TPMT: variants seen among roughly 807,000 people sequenced by gnomAD.
TPMT encodes thiopurine S-methyltransferase.
TPMT carries 18 observed loss-of-function variants against 34.2 expected under a neutral mutation model. The observed-to-expected ratio is 0.53, with a 90% CI of 0.36 to 0.78. TPMT has a LOEUF of 0.78. TPMT is among the 30% of genes least tolerant of loss of function. TPMT has a pLI of 0.00. For synonymous variants in TPMT, 69 were observed against 92.4 expected (o/e 0.75, Z 1.45); for missense variants, 265 against 288.1 (o/e 0.92, Z 0.58).
rs148586882 is a variant in TPMT at position 18,153,472 on chromosome 6, A to G, written c.-45+1561T>C. ...TATTGGTGGTTCTAATTTAATGATT[A>G]ATCTGTGAAATAGCAAACATTGCAT... On this transcript the variant is annotated intron_variant, in intron 1 of 8. Coordinates refer to ENST00000309983, the MANE Select transcript of TPMT (RefSeq NM_000367.5). This position sits in a 1 kb window ranked among gnomAD's most constrained non-coding sequence, Gnocchi z 4.2. Among the ~76,000 whole-genome samples the G allele has an allele frequency of 5.9e-5, 9 of 152,370 alleles. No individual in the cohort carries two copies. The East Asian group carries it at 1.7e-3, about 29-fold the overall frequency.
In TPMT at chr6:18,140,580, A is replaced by G. The variant is rs921435709; in HGVS notation, c.367-863T>C. Among the ~76,000 whole-genome samples, 1 of 152,094 alleles carries G rather than the reference A, an allele frequency of 6.6e-6. No homozygotes were observed. Among genetic ancestry groups the G allele is most frequent in the African/African-American group, 2.4e-5 (1 of 41,410 alleles). On this transcript the variant is annotated intron_variant, in intron 4 of 8. Transcript: ENST00000309983. This position sits in a 1 kb window ranked among gnomAD's most constrained non-coding sequence, Gnocchi z 4.7. ...ACACCTGTAGTTCCAGCTACCTGGG[A>G]GGCTGACATGCGAGGGTCACTTGAG...
At chr6:18,133,735 A>G (rs1783988793) in intron 7 of TPMT, 69 bp downstream of exon 7, 1 of 1,138,884 alleles carries the variant, frequency 8.8e-7, no homozygotes, top group Admixed American at 2.1e-5. Flanking sequence ...ATTCTTATCC[A>G]TGTCATAGAA....
chr6:18,133,741 T>C (rs770198740), intron 7 of TPMT, 63 bp downstream of exon 7: 2 of 1,219,016 alleles, frequency 1.6e-6, no homozygotes, highest in South Asian at 1.3e-5. Context: ...ATCCATGTCA[T>C]AGAATTTATA....
chr6:18,144,784 A>G (rs1348708473), intron 3 of TPMT, among the ~76,000 whole-genome samples: 1 of 151,514 alleles, frequency 6.6e-6, no homozygotes, highest in East Asian at 1.9e-4. Flanking sequence ...ACAGTGGCAC[A>G]ATCTCAGCTC....
rs1258447302 is a variant in TPMT, at chr6:18,138,224, G to T, written c.494+739C>A. On this transcript the variant is annotated intron_variant, in intron 6 of 8. Transcript: ENST00000309983. The surrounding 1 kb of genome is among the most constrained non-coding windows in gnomAD (Gnocchi z 4.1). ...ATGGAATAGTAGCTTATACCTTACAGAATTAAATGTTAAACCACATGAAAT... is the reference window on the plus strand; with the variant it reads ...ATGGAATAGTAGCTTATACCTTACATAATTAAATGTTAAACCACATGAAAT... Among the ~76,000 whole-genome samples, 1 of 151,206 alleles carries T rather than the reference G, an allele frequency of 6.6e-6. No homozygotes were observed. The highest frequency in any genetic ancestry group is 1.5e-5 in the Non-Finnish European group (1 of 67,900).
rs1784326188 is a variant in TPMT at position 18,150,229 on chromosome 6, T to C, written c.-44-1058A>G. On this transcript the variant is annotated intron_variant, in intron 1 of 8. Transcript: ENST00000309983. The surrounding 1 kb of genome is among the most constrained non-coding windows in gnomAD (Gnocchi z 5.3). ...TTTGCACATTTATTATAAAGGATAC[T>C]GCGAAGAATATACTTGAAGAGATGT... 6.6e-6 allele frequency among the ~76,000 whole-genome samples: 1 copy of C among 152,236 alleles called. No homozygotes were observed. Among genetic ancestry groups the C allele is most frequent in the African/African-American group, 2.4e-5 (1 of 41,462 alleles).
At position 18,151,451 on chromosome 6, in the gene TPMT, G is replaced by GATCA. The variant is rs534103257; in HGVS notation, c.-44-2284_-44-2281dup. ...CCACTGCACTCCAGCCTGGGCTACA[G>GATCA]ATCAAGACCTTGTCTTAAGAAAAAA... On this transcript the variant is annotated intron_variant, in intron 1 of 8. Transcript: ENST00000309983. 2.6e-3 allele frequency among the ~76,000 whole-genome samples: 393 copies of GATCA among 151,530 alleles called. 3 individuals carry two copies. The highest frequency in any genetic ancestry group is 8.8e-3 in the African/African-American group (366 of 41,434).
At position 18,138,858 on chromosome 6, in the gene TPMT, C is replaced by A; in HGVS notation, c.494+105G>T. ...TTTTTATAAATTCCAAACATAATAA[C>A]CTATTTCAAACTCATAGAAGTCTAA... On this transcript the variant is annotated intron_variant, in intron 6 of 8. Transcript: ENST00000309983. This position sits in a 1 kb window ranked among gnomAD's most constrained non-coding sequence, Gnocchi z 4.1. The A allele has an allele frequency of 6.5e-6, 6 of 924,012 alleles. 1 individual carries two copies. The South Asian group carries it at 8.7e-5, about 13-fold the overall frequency. The allele number at this position is 924,012 out of a possible 1,614,324, so 57.2% of individuals were successfully genotyped here. A position where few individuals can be genotyped will look rare whatever the true frequency, so the allele number is the denominator to read the frequency against.
chr6:18,140,719 AAAC>A lies in TPMT; in HGVS notation c.367-1005_367-1003del, dbSNP rs1487758724. 6.6e-6 allele frequency among the ~76,000 whole-genome samples: 1 copy of A among 152,152 alleles called. No homozygotes were observed. The highest frequency in any genetic ancestry group is 2.4e-5 in the African/African-American group (1 of 41,426). On this transcript the variant is annotated intron_variant, in intron 4 of 8. Coordinates refer to ENST00000309983, the MANE Select transcript of TPMT (RefSeq NM_000367.5). The surrounding 1 kb of genome is among the most constrained non-coding windows in gnomAD (Gnocchi z 4.7). ...TTGGAGCAAAATAATCCTAAAAAAT[AAAC>A]AACAACAACAAAAATCAAGAGAATA...
chr6:18,149,090 T>A lies in TPMT; in HGVS notation c.38A>T (p.Tyr13Phe). ...GTRTSLDIEEYSDTEVQKNQV... is the reference protein window; with the variant it reads ...GTRTSLDIEEFSDTEVQKNQV... ...GTTTTTCTGTACCTCAGTATCCGAG[T>A]ACTCTTCAATGTCAAGTGAAGTTCT... Residue 13 changes from tyrosine (Y) to phenylalanine (F), a missense_variant, in exon 2 of 9, where the codon TAC becomes TTC. By Grantham distance (22) the Tyr-to-Phe change is conservative. Transcript: ENST00000309983. The surrounding 1 kb of genome is among the most constrained non-coding windows in gnomAD (Gnocchi z 5.0). 6.2e-7 allele frequency: 1 copy of A among 1,614,130 alleles called. No homozygotes were observed. The highest frequency in any genetic ancestry group is 8.5e-7 in the Non-Finnish European group (1 of 1,180,014).
At chr6:18,152,693 A>G (rs1165576892) in intron 1 of TPMT, among the ~76,000 whole-genome samples, 1 of 151,210 alleles carries the variant, frequency 6.6e-6, no homozygotes, top group Non-Finnish European at 1.5e-5. Flanking sequence ...ACGGGACCCC[A>G]GAGTAACCTT....
At position 18,150,787 on chromosome 6, in the gene TPMT, G is replaced by T. The variant is rs565350140; in HGVS notation, c.-44-1616C>A. On this transcript the variant is annotated intron_variant, in intron 1 of 8. Coordinates refer to ENST00000309983, the MANE Select transcript of TPMT (RefSeq NM_000367.5). The surrounding 1 kb of genome is among the most constrained non-coding windows in gnomAD (Gnocchi z 5.3). The stretch of plus-strand genomic sequence containing the variant: ...TGGTTAGAAGTGTGGGGGCCATAGG[G>T]GGTTGGGCACCCTAAAGGTTTAGTG... Among the ~76,000 whole-genome samples, 1 of 152,142 alleles carries T rather than the reference G, an allele frequency of 6.6e-6. No individual in the cohort carries two copies. The highest frequency in any genetic ancestry group is 1.5e-5 in the Non-Finnish European group (1 of 68,020).
At position 18,148,964 on chromosome 6, in the gene TPMT, T is replaced by C; in HGVS notation, c.140+24A>G. Reference sequence around the variant, plus strand: ...GTCACTTTTTGATAGAACATTTCTCTATTGTATACCAAATATTTCTTACTG... The same window carrying C: ...GTCACTTTTTGATAGAACATTTCTCCATTGTATACCAAATATTTCTTACTG... On this transcript the variant is annotated intron_variant, in intron 2 of 8. Transcript: ENST00000309983. This position sits in a 1 kb window ranked among gnomAD's most constrained non-coding sequence, Gnocchi z 4.1. The C allele has an allele frequency of 6.2e-7, 1 of 1,612,628 alleles. No homozygotes were observed. Among genetic ancestry groups the C allele is most frequent in the Non-Finnish European group, 8.5e-7 (1 of 1,179,848 alleles).
rs1784316479 is a variant in TPMT, at chr6:18,149,640, A to T, written c.-44-469T>A. On this transcript the variant is annotated intron_variant, in intron 1 of 8. Transcript: ENST00000309983. The surrounding 1 kb of genome is among the most constrained non-coding windows in gnomAD (Gnocchi z 5.0). ...ACCTGGTTAATTTTTGTATATATAT[A>T]TTTTTTAATAGAGATGGTTCTCATT... Among the ~76,000 whole-genome samples, 1 of 151,696 alleles carries T rather than the reference A, an allele frequency of 6.6e-6. No homozygotes were observed. Among genetic ancestry groups the T allele is most frequent in the South Asian group, 2.1e-4 (1 of 4,796 alleles).
At position 18,136,854 on chromosome 6, in the gene TPMT, T is replaced by C. The variant is rs73379145; in HGVS notation, c.494+2109A>G. Among the ~76,000 whole-genome samples, 1,237 of 152,262 alleles carry C rather than the reference T, an allele frequency of 8.1e-3. 17 individuals are homozygous for C. The highest frequency in any genetic ancestry group is 0.029 in the African/African-American group (1,186 of 41,552). Reference sequence around the variant, plus strand: ...TTTCTCTCATAAAATTTTTTTTTCTTTCTGGTAGGACAAATATTGGCAATT... The same window carrying C: ...TTTCTCTCATAAAATTTTTTTTTCTCTCTGGTAGGACAAATATTGGCAATT... On this transcript the variant is annotated intron_variant, in intron 6 of 8. Coordinates refer to ENST00000309983, the MANE Select transcript of TPMT (RefSeq NM_000367.5). The surrounding 1 kb of genome is among the most constrained non-coding windows in gnomAD (Gnocchi z 4.7).
chr6:18,139,872 C>T lies in TPMT; in HGVS notation c.367-155G>A, dbSNP rs1784111267. ...ATAATTTTACTGCACTTTATTGGCA[C>T]CTTATTTTTTTCTTTTAAAACCTGT... On this transcript the variant is annotated intron_variant, in intron 4 of 8. Coordinates refer to ENST00000309983, the MANE Select transcript of TPMT (RefSeq NM_000367.5). The surrounding 1 kb of genome is among the most constrained non-coding windows in gnomAD (Gnocchi z 4.2). Among the ~76,000 whole-genome samples, 1 of 151,942 alleles carries T rather than the reference C, an allele frequency of 6.6e-6. No homozygotes were observed.
Position 18,139,795 on chromosome 6 carries a change from C to T in TPMT, c.367-78G>A. Reference sequence around the variant, plus strand: ...GAATAGTCAAGGAAAGAGGGCCAAGCAAAGCAAAAGTTCTAGGGAAAGAAT... The same window carrying T: ...GAATAGTCAAGGAAAGAGGGCCAAGTAAAGCAAAAGTTCTAGGGAAAGAAT... On this transcript the variant is annotated intron_variant, in intron 4 of 8. Coordinates refer to ENST00000309983, the MANE Select transcript of TPMT (RefSeq NM_000367.5). The surrounding 1 kb of genome is among the most constrained non-coding windows in gnomAD (Gnocchi z 4.2). 1 of 939,650 alleles carries T rather than the reference C, an allele frequency of 1.1e-6. No homozygotes were observed. The highest frequency in any genetic ancestry group is 2.6e-5 in the East Asian group (1 of 37,866). 58.2% of individuals were successfully genotyped at this position (939,650 alleles called of 1,614,324 possible).
In TPMT at chr6:18,130,646, T is replaced by G; in HGVS notation, c.*22A>C. ...ATTCCTCAAAAACATGTCAGTGTGA[T>G]TTTATTTTATCTATGTCTCATTTAC... is the stretch of plus-strand genomic sequence containing the variant. On this transcript the variant is annotated 3_prime_UTR_variant, in exon 9 of 9. Coordinates refer to ENST00000309983, the MANE Select transcript of TPMT (RefSeq NM_000367.5). The surrounding 1 kb of genome is among the most constrained non-coding windows in gnomAD (Gnocchi z 4.2). The G allele has an allele frequency of 6.8e-7, 1 of 1,478,462 alleles. No homozygotes were observed. The highest frequency in any genetic ancestry group is 9.4e-7 in the Non-Finnish European group (1 of 1,058,924). 91.6% of individuals were successfully genotyped at this position (1,478,462 alleles called of 1,614,324 possible).
In TPMT at chr6:18,129,009, G is replaced by A. The variant is rs1783883699; in HGVS notation, c.*1659C>T. The stretch of plus-strand genomic sequence containing the variant: ...AGCACTTTGGGTGGCCAAGACAGGA[G>A]GACTGCTTGAGGCCTCACGTCAAGT... On this transcript the variant is annotated 3_prime_UTR_variant, in exon 9 of 9. Transcript: ENST00000309983. The A allele has an allele frequency of 6.6e-6, 1 of 152,294 alleles. No homozygotes were observed. 9.4% of individuals were successfully genotyped at this position (152,294 alleles called of 1,614,324 possible).
Sources: allele counts gnomAD v4.1 joint callset (sites outside exome capture counted in the v4.1 genomes callset), GRCh38; gene constraint gnomAD v4.1.1; non-coding constraint Gnocchi (gnomAD v3.1); transcripts MANE v1.5; gene names NCBI Gene and HGNC (gene_info 2026-07-23, HGNC 2026-07-21).